Variants in EGFL6 observed in about 807,000 individuals in gnomAD.
The protein encoded by EGFL6 is epidermal growth factor-like protein 6.
In EGFL6, 42 loss-of-function variants were observed where a neutral mutation model predicts 43.1. The observed-to-expected ratio is 0.98, with a 90% confidence interval of 0.76 to 1.26. The LOEUF (loss-of-function observed/expected upper bound fraction) is 1.26, where lower values mean the gene tolerates loss of function less well. EGFL6 is among the 50% of genes most tolerant of loss of function. EGFL6 has a pLI of 0.00. For synonymous variants in EGFL6, 164 were observed against 163.2 expected (o/e 1.01, Z -0.04); for missense variants, 429 against 427.8 (o/e 1.00, Z -0.02).
At chrX:13,629,949 C>T (rs1439501424) in intron 11 of EGFL6, among the ~76,000 whole-genome samples, 1 of 112,171 alleles carries the variant, frequency 8.9e-6, no homozygotes, top group African/African-American at 3.2e-5. Context: ...TGAAGTCACT[C>T]ATCTCTTCAA....
chrX:13,586,983 C>T (rs1319448083), intron 1 of EGFL6, among the ~76,000 whole-genome samples: 2 of 112,194 alleles, frequency 1.8e-5, no homozygotes, highest in South Asian at 3.7e-4. Context: ...CGGAAGGCTA[C>T]ATATTGTGGG....
intron 1 of EGFL6, among the ~76,000 whole-genome samples, chrX:13,574,264 G>C (rs1313348111): frequency 8.9e-6 from 1 of 112,152 alleles, no homozygotes; most frequent in Non-Finnish European, 1.9e-5. Context: ...CACAGGAAGA[G>C]CTGGCTCCTG....
chrX:13,585,493 G>T (rs1217703449), intron 1 of EGFL6, among the ~76,000 whole-genome samples: 1 of 111,019 alleles, frequency 9.0e-6, no homozygotes, highest in Non-Finnish European at 1.9e-5. Context: ...TCTATGCCAG[G>T]ATTATAAGTG....
rs1163780211 is a variant in EGFL6, at chrX:13,574,347, C to T, written c.74+4412C>T. ...CCACAATGTGCCAACAGCTATTTGC[C>T]ACTGAGCCAGTAAAACAGGGAACTA... On this transcript the variant is annotated intron_variant, in intron 1 of 11. Coordinates refer to ENST00000361306, the MANE Select transcript of EGFL6 (RefSeq NM_015507.4). Among the ~76,000 whole-genome samples, 5 of 111,761 alleles carry T rather than the reference C, an allele frequency of 4.5e-5. No individual in the cohort carries two copies. The Admixed American group carries it at 4.7e-4, about 11-fold the overall frequency.
At chrX:13,572,783 T>G (rs1167959716) in intron 1 of EGFL6, among the ~76,000 whole-genome samples, 1 of 112,123 alleles carries the variant, frequency 8.9e-6, no homozygotes, top group Non-Finnish European at 1.9e-5. Flanking sequence ...CTCAAAGCCC[T>G]GGTAGCAAAG....
At position 13,617,983 on chromosome X, in the gene EGFL6, G is replaced by A. The variant is rs780711218; in HGVS notation, c.1032G>A (p.Glu344=). Residue 344 remains glutamate (E), a synonymous_variant, in exon 8 of 12, where the codon GAG becomes GAA. Coordinates refer to ENST00000361306, the MANE Select transcript of EGFL6 (RefSeq NM_015507.4). ...AAGAGAAAATGAAAGAGGGGCTTGA[G>A]GATGAGAAAAGAGAAGAGAAAGCCC... ...GNEEKMKEGL[E]DEKREEKALK... 2.5e-6 allele frequency: 3 copies of A among 1,211,933 alleles called. No individual in the cohort carries two copies. In the South Asian group the frequency reaches 5.3e-5, roughly 21 times the overall value.
intron 1 of EGFL6, among the ~76,000 whole-genome samples, chrX:13,585,867 G>A (rs145133894): frequency 0.019 from 2,095 of 111,181 alleles, 40 homozygotes; most frequent in African/African-American, 0.062. Context: ...TCTCCATTCT[G>A]CTCCCCCAGG....
rs2045660045 is a variant in EGFL6, at chrX:13,606,320, T to G, written c.521-59T>G. 4.3e-6 allele frequency: 5 copies of G among 1,161,308 alleles called. No homozygotes were observed. In the South Asian group the frequency reaches 7.5e-5, roughly 17 times the overall value. ...AAAAGTAGCTGTGAGTGTGCGTGCG[T>G]GCATGTATGTGGCTACTTTTCTTGC... On this transcript the variant is annotated intron_variant, in intron 5 of 11. Coordinates refer to ENST00000361306, the MANE Select transcript of EGFL6 (RefSeq NM_015507.4).
chrX:13,579,996 C>T (rs1356449623), intron 1 of EGFL6, among the ~76,000 whole-genome samples: 1 of 110,979 alleles, frequency 9.0e-6, no homozygotes, highest in Admixed American at 9.6e-5. Flanking sequence ...CGGAAGTTAC[C>T]CCCATCACTC....
intron 3 of EGFL6, 48 bp from the exon 4 acceptor site, chrX:13,599,927 G>GT: frequency 8.4e-7 from 1 of 1,194,700 alleles, no homozygotes; most frequent in East Asian, 3.0e-5. Flanking sequence ...CCATCTGGAA[G>GT]TTTCCTGATT....
intron 11 of EGFL6, 125 bp downstream of exon 11, chrX:13,627,401 A>C: frequency 1.1e-6 from 1 of 914,421 alleles, no homozygotes; most frequent in Non-Finnish European, 1.5e-6. Context: ...TTTTCCCTAC[A>C]CTTAAAGAAT....
At chrX:13,594,736 C>T (rs748803693) in intron 2 of EGFL6, 100 bp from the exon 3 acceptor site, 1 of 664,712 alleles carries the variant, frequency 1.5e-6, no homozygotes, top group East Asian at 3.4e-5. Flanking sequence ...TGTATGTCCC[C>T]ATGGAGTTCT....
intron 11 of EGFL6, among the ~76,000 whole-genome samples, chrX:13,632,465 CTAAT>C (rs2045818167): frequency 9.2e-6 from 1 of 108,545 alleles, no homozygotes; most frequent in Non-Finnish European, 1.9e-5. Context: ...CCACGCCCGG[CTAAT>C]TTGTTTGTAT....
chrX:13,624,597 C>T (rs1298631432), intron 10 of EGFL6, among the ~76,000 whole-genome samples: 2 of 111,678 alleles, frequency 1.8e-5, no homozygotes, highest in East Asian at 5.6e-4. Flanking sequence ...CTTGCAGATC[C>T]CATTTAGAGC....
chrX:13,593,279 A>C (rs968465124), intron 2 of EGFL6, among the ~76,000 whole-genome samples: 1 of 111,353 alleles, frequency 9.0e-6, no homozygotes, highest in Non-Finnish European at 1.9e-5. Flanking sequence ...CAAAGATTAT[A>C]TTATGACCTC....
At chrX:13,577,526 C>T (rs1211769794) in intron 1 of EGFL6, among the ~76,000 whole-genome samples, 1 of 108,121 alleles carries the variant, frequency 9.2e-6, no homozygotes, top group Non-Finnish European at 1.9e-5. Context: ...ACTGAGTCCA[C>T]ATGAGAGAAT....
chrX:13,607,134 C>A (rs1431642456), intron 6 of EGFL6, among the ~76,000 whole-genome samples: 2 of 111,517 alleles, frequency 1.8e-5, no homozygotes, highest in Non-Finnish European at 3.8e-5. Flanking sequence ...TATTTTATTC[C>A]TTAGTGAATG....
At chrX:13,592,401 T>C (rs907211469) in intron 2 of EGFL6, among the ~76,000 whole-genome samples, 1 of 111,639 alleles carries the variant, frequency 9.0e-6, no homozygotes, top group African/African-American at 3.3e-5. Flanking sequence ...TGTTCCCCCA[T>C]TAAAAGTTCT....
At chrX:13,589,767 A>C in intron 2 of EGFL6, 99 bp downstream of exon 2, 1 of 626,717 alleles carries the variant, frequency 1.6e-6, no homozygotes, top group African/African-American at 2.2e-5. Flanking sequence ...TGGATCTCTC[A>C]GGCAAGGACA....
Sources: allele counts gnomAD v4.1 joint callset (sites outside exome capture counted in the v4.1 genomes callset), GRCh38; gene constraint gnomAD v4.1.1; transcripts MANE v1.5; gene names NCBI Gene and HGNC (gene_info 2026-07-23, HGNC 2026-07-21).